Variants in ZNF654 observed in about 807,000 individuals in gnomAD.
ZNF654 encodes the protein melanoma-associated antigen.
ZNF654 carries 19 observed loss-of-function variants against 95.3 expected under a neutral mutation model. The observed-to-expected ratio is 0.20, with a 90% CI of 0.14 to 0.29. ZNF654 has a LOEUF of 0.29. ZNF654 is among the 10% of genes least tolerant of loss of function. ZNF654 has a pLI of 1.00. For synonymous variants in ZNF654, 413 were observed against 457.9 expected (o/e 0.90, Z 1.25); for missense variants, 1,046 against 1,341.0 (o/e 0.78, Z 3.44).
intron 2 of ZNF654, among the ~76,000 whole-genome samples, chr3:88,099,381 T>C (rs7635996): frequency 0.78 from 119,206 of 152,154 alleles, 47,620 homozygotes; most frequent in South Asian, 0.91. Context: ...GAATCAATAT[T>C]GTGAAAACGG....
chr3:88,118,771 A>C (rs1271630177), intron 3 of ZNF654, among the ~76,000 whole-genome samples: 3 of 152,198 alleles, frequency 2.0e-5, no homozygotes, highest in African/African-American at 7.2e-5. Flanking sequence ...TTCTGCTCAA[A>C]TAATTCTCTC....
At chr3:88,067,751 G>A (rs1329321819) in intron 1 of ZNF654, among the ~76,000 whole-genome samples, 2 of 152,204 alleles carry the variant, frequency 1.3e-5, no homozygotes, top group East Asian at 3.8e-4. Flanking sequence ...GATGGGATCA[G>A]TAGTCAGGTT....
In ZNF654 at chr3:88,059,508, G is replaced by A. The variant is rs1386231238; in HGVS notation, c.186+3G>A. 1.4e-6 allele frequency: 2 copies of A among 1,472,460 alleles called. No individual in the cohort carries two copies. The highest frequency in any genetic ancestry group is 2.6e-5 in the Admixed American group (1 of 38,658). 91.2% of individuals were successfully genotyped at this position (1,472,460 alleles called of 1,614,324 possible). The stretch of plus-strand genomic sequence containing the variant: ...ATTACTGCCGACGCTTCTGTCAGGT[G>A]AGGCGTCCGTTGGCCGCCCCGACTT... On this transcript the variant is annotated splice_donor_region_variant and intron_variant, in intron 1 of 8. Coordinates refer to ENST00000636215, the MANE Select transcript of ZNF654 (RefSeq NM_001350134.2).
In ZNF654 at chr3:88,140,319, A is replaced by C. The variant is rs57459670; in HGVS notation, c.2650A>C (p.Ile884Leu). The change falls in exon 8 of 9, where the codon ATT becomes CTT. Residue 884 changes from isoleucine (I) to leucine (L), a missense_variant. Physicochemically the swap from Ile to Leu is conservative, Grantham distance 5 (BLOSUM62 2). Coordinates refer to ENST00000636215, the MANE Select transcript of ZNF654 (RefSeq NM_001350134.2). The part of the protein sequence containing the change: ...PESSAQPSET[I>L]LWDVQTDSNP... ...GTCATCTGCACAACCAAGTGAAACA[A>C]TTCTTTGGGATGTTCAGACAGACTC... The C allele has an allele frequency of 2.5e-6, 4 of 1,613,754 alleles. No homozygotes were observed. The highest frequency in any genetic ancestry group is 3.4e-6 in the Non-Finnish European group (4 of 1,179,768).
rs1708334808 is a variant in ZNF654 at position 88,086,341 on chromosome 3, G to A, written c.271G>A (p.Ala91Thr). Residue 91 changes from alanine (A) to threonine (T), a missense_variant, in exon 2 of 9, where the codon GCC (alanine) becomes ACC (threonine). By Grantham distance (58) the Ala-to-Thr change is moderately conservative. Transcript: ENST00000636215. ...LQTALCCFTT[A>T]SASFPDECEH... ...GACTGCCCTTTGTTGTTTTACAACA[G>A]CCAGTGCATCATTCCCAGATGAATG... is the stretch of plus-strand genomic sequence containing the variant. 6.5e-7 allele frequency: 1 copy of A among 1,535,254 alleles called. No homozygotes were observed. Among genetic ancestry groups the A allele is most frequent in the African/African-American group, 1.4e-5 (1 of 73,004 alleles).
At position 88,140,430 on chromosome 3, in the gene ZNF654, T is replaced by G. The variant is rs61730544; in HGVS notation, c.2761T>G (p.Ser921Ala). The change falls in exon 8 of 9, where the codon TCT becomes GCT. Residue 921 changes from serine to alanine, a missense_variant. By Grantham distance (99) the Ser-to-Ala change is moderately conservative. Transcript: ENST00000636215. ...PVSTSKSRKE[S>A]TEPKTCIESM... ...TTCTACTAGCAAATCAAGGAAAGAG[T>G]CTACAGAACCAAAGACATGTATAGA... The G allele has an allele frequency of 0.015, 23,746 of 1,612,950 alleles. 2,095 individuals are homozygous for G. In the Admixed American group the frequency reaches 0.23, roughly 16 times the overall value.
intron 2 of ZNF654, among the ~76,000 whole-genome samples, chr3:88,111,774 C>T (rs1185780405): frequency 6.6e-6 from 1 of 151,916 alleles, no homozygotes; most frequent in Admixed American, 6.6e-5. Context: ...GGAACATTTA[C>T]ATTCCCTCCA....
At chr3:88,065,631 GT>G (rs1322927221) in intron 1 of ZNF654, among the ~76,000 whole-genome samples, 1 of 151,194 alleles carries the variant, frequency 6.6e-6, no homozygotes, top group Non-Finnish European at 1.5e-5. Context: ...TTTTTTTTTA[GT>G]TTTTTAAAAA....
chr3:88,068,640 A>G (rs9821517), intron 1 of ZNF654, among the ~76,000 whole-genome samples: 119,211 of 152,178 alleles, frequency 0.78, 47,617 homozygotes, highest in South Asian at 0.91. Context: ...TGCTTTATAT[A>G]TGTATATGCT....
intron 1 of ZNF654, among the ~76,000 whole-genome samples, chr3:88,062,403 G>A (rs1431664893): frequency 6.6e-6 from 1 of 152,144 alleles, no homozygotes; most frequent in Non-Finnish European, 1.5e-5. Context: ...TGTTGCAAGT[G>A]ATGTGAAAGG....
intron 1 of ZNF654, among the ~76,000 whole-genome samples, chr3:88,075,729 A>G (rs1297864207): frequency 6.6e-6 from 1 of 152,146 alleles, no homozygotes; most frequent in Non-Finnish European, 1.5e-5. Flanking sequence ...TGAGCCTGTT[A>G]TTAAATTTGC....
chr3:88,126,411 T>G (rs1706100077), intron 4 of ZNF654, 142 bp downstream of exon 4: 5 of 1,009,338 alleles, frequency 5.0e-6, no homozygotes, highest in African/African-American at 1.7e-5. Context: ...TGAAAAGTGT[T>G]TGTTTTTCTA....
intron 2 of ZNF654, among the ~76,000 whole-genome samples, chr3:88,112,243 T>C (rs768290732): frequency 4.0e-5 from 6 of 150,988 alleles, no homozygotes; most frequent in African/African-American, 1.5e-4. Flanking sequence ...TTACATTTTA[T>C]AATTTTAGTC....
At chr3:88,108,641 A>G (rs1322514083) in intron 2 of ZNF654, among the ~76,000 whole-genome samples, 3 of 152,176 alleles carry the variant, frequency 2.0e-5, no homozygotes, top group Non-Finnish European at 1.5e-5. Context: ...CTACCTGCCC[A>G]TTAGTCATTT....
chr3:88,089,756 C>T (rs1304134868), intron 2 of ZNF654, among the ~76,000 whole-genome samples: 1 of 152,172 alleles, frequency 6.6e-6, no homozygotes, highest in African/African-American at 2.4e-5. Context: ...TTGAGAAGAA[C>T]TCTGGTCAGA....
chr3:88,102,557 A>C (rs1388700219), intron 2 of ZNF654, among the ~76,000 whole-genome samples: 1 of 152,256 alleles, frequency 6.6e-6, no homozygotes, highest in South Asian at 2.1e-4. Context: ...TCTTTTCTCT[A>C]TCACTGGGAT....
chr3:88,092,942 T>C (rs1703836398), intron 2 of ZNF654, among the ~76,000 whole-genome samples: 1 of 152,206 alleles, frequency 6.6e-6, no homozygotes. Flanking sequence ...GATTCTGCTT[T>C]TATTTATACT....
At chr3:88,092,020 G>A (rs1364172208) in intron 2 of ZNF654, among the ~76,000 whole-genome samples, 1 of 152,170 alleles carries the variant, frequency 6.6e-6, no homozygotes, top group African/African-American at 2.4e-5. Flanking sequence ...GATGTTCAAT[G>A]TAAGGCAAAA....
chr3:88,106,539 C>T (rs767033967), intron 2 of ZNF654, among the ~76,000 whole-genome samples: 5 of 152,048 alleles, frequency 3.3e-5, no homozygotes, highest in East Asian at 1.9e-4. Flanking sequence ...AGGTTTCGTT[C>T]GCCATGTTGG....
Sources: gnomAD v4.1 joint callset for allele counts (sites outside exome capture counted in the v4.1 genomes callset) on GRCh38, gnomAD v4.1.1 for gene constraint, MANE v1.5 for transcripts, NCBI Gene and HGNC (gene_info 2026-07-23, HGNC 2026-07-21) for gene names.